Variants in FANCM observed in about 807,000 individuals in gnomAD.
The protein encoded by FANCM is FA complementation group M.
In FANCM, 140 loss-of-function variants were observed where a neutral mutation model predicts 199.5. The observed-to-expected ratio is 0.70, with a 90% confidence interval of 0.61 to 0.81. The LOEUF (loss-of-function observed/expected upper bound fraction) is 0.81. Ranked by LOEUF, FANCM falls within the 30% of genes least tolerant of loss-of-function variation. The pLI is 0.00. For missense variants in FANCM, 2,410 were observed against 2,421.4 expected (o/e 1.00, Z 0.10); for synonymous variants, 840 against 836.8 (o/e 1.00, Z -0.07).
rs750670960 is a variant in FANCM, at chr14:45,183,905, A to G, written c.4515+3A>G. The G allele has an allele frequency of 1.2e-6, 2 of 1,606,884 alleles. No homozygotes were observed. Among genetic ancestry groups the G allele is most frequent in the East Asian group, 4.5e-5 (2 of 44,600 alleles). On this transcript the variant is annotated splice_donor_region_variant and intron_variant, in intron 17 of 22. Coordinates refer to ENST00000267430, the MANE Select transcript of FANCM (RefSeq NM_020937.4). ...CAAAGAGACAGAGTCACTTAAAGGT[A>G]ATCTTTTTTTTAGTTTCTTTAAATA...
intron 12 of FANCM, 40 bp from the exon 13 acceptor site, chr14:45,173,015 G>C (rs765589602): frequency 6.9e-7 from 1 of 1,441,180 alleles, no homozygotes; most frequent in Non-Finnish European, 9.8e-7. Context: ...TGAAATCTCA[G>C]TATGTTTTCA....
intron 2 of FANCM, 21 bp downstream of exon 2, chr14:45,137,262 T>C: frequency 6.2e-7 from 1 of 1,601,128 alleles, no homozygotes; most frequent in Non-Finnish European, 8.5e-7. Context: ...TGTTAAACGG[T>C]ATTTTGTATT....
rs1171286642 is a variant in FANCM, at chr14:45,175,598, T to C, written c.2844T>C (p.Ser948=). 1 of 1,613,666 alleles carries C rather than the reference T, an allele frequency of 6.2e-7. No individual in the cohort carries two copies. The highest frequency in any genetic ancestry group is 1.1e-5 in the South Asian group (1 of 91,064). The change falls in exon 14 of 23, where the codon AGT becomes AGC. Residue 948 remains serine (S), a synonymous_variant. Transcript: ENST00000267430. ...AGNVLDSGYN[S]FNDEKSVSSN... Reference sequence around the variant, plus strand: ...ATGTTTTAGATTCTGGTTATAACAGTTTCAATGATGAAAAATCTGTTTCAT... The same window carrying C: ...ATGTTTTAGATTCTGGTTATAACAGCTTCAATGATGAAAAATCTGTTTCAT...
At chr14:45,189,471 CAAAA>C in intron 20 of FANCM, 109 bp downstream of exon 20, 1 of 883,530 alleles carries the variant, frequency 1.1e-6, no homozygotes, top group Non-Finnish European at 1.8e-6. Flanking sequence ...GAAAAATTAA[CAAAA>C]AAATTTTGCA....
At position 45,166,977 on chromosome 14, in the gene FANCM, A is replaced by C; in HGVS notation, c.1816A>C (p.Arg606=). 2 of 1,589,350 alleles carry C rather than the reference A, an allele frequency of 1.3e-6. No homozygotes were observed. Among genetic ancestry groups the C allele is most frequent in the Non-Finnish European group, 1.7e-6 (2 of 1,157,596 alleles). ...RIYNQSQSNK[R]SIYKAISSNR... is the part of the protein sequence containing the mutation. ...TTATAATCAGAGTCAGTCCAACAAA[A>C]GAAGTATATATAAAGCTATTTCAAG... is the stretch of plus-strand genomic sequence containing the variant. Residue 606 remains arginine (R), a synonymous_variant, in exon 11 of 23, where the codon AGA becomes CGA. Transcript: ENST00000267430.
intron 18 of FANCM, 90 bp downstream of exon 18, chr14:45,185,463 C>A: frequency 1.4e-6 from 1 of 738,522 alleles, no homozygotes; most frequent in Non-Finnish European, 2.2e-6. Flanking sequence ...GAAACTAGAC[C>A]TTAAAGGTAA....
intron 4 of FANCM, among the ~76,000 whole-genome samples, chr14:45,149,830 G>C (rs1886692103): frequency 6.6e-6 from 1 of 151,182 alleles, no homozygotes; most frequent in Non-Finnish European, 1.5e-5. Flanking sequence ...ACAACAAAAA[G>C]GCAGGAGAGA....
At position 45,151,527 on chromosome 14, in the gene FANCM, T is replaced by C; in HGVS notation, c.1049T>C (p.Val350Ala). The C allele has an allele frequency of 6.2e-7, 1 of 1,610,814 alleles. No individual in the cohort carries two copies. The highest frequency in any genetic ancestry group is 8.5e-7 in the Non-Finnish European group (1 of 1,177,252). Residue 350 changes from valine (V) to alanine (A), a missense_variant and splice_region_variant, in exon 5 of 23, where the codon GTG becomes GCG. Transcript: ENST00000267430. ...AGGAAAAACCCATCTCCGAATATTG[T>C]GGTAGGTATTTTTAAATAAATTTTG... ...QFRKNPSPNI[V>A]GIQQGIIEGE...
Position 45,175,084 on chromosome 14 carries a change from A to G in FANCM, c.2330A>G (p.Tyr777Cys), listed in dbSNP as rs200173413. 75 of 1,607,634 alleles carry G rather than the reference A, an allele frequency of 4.7e-5. No individual in the cohort carries two copies. In the East Asian group the frequency reaches 1.4e-3, roughly 30 times the overall value. Reference protein sequence around the residue: ...GMRHEEGECSYELEVESYLQM... With the variant: ...GMRHEEGECSCELEVESYLQM... ...CCTTATTTATAGGGAGAATGCAGCT[A>G]TGAATTGGAAGTTGAATCTTATTTA... The change falls in exon 14 of 23, where the codon TAT becomes TGT. Residue 777 changes from tyrosine (Y) to cysteine (C), a missense_variant. By Grantham distance (194) the Tyr-to-Cys change is radical. Coordinates refer to ENST00000267430, the MANE Select transcript of FANCM (RefSeq NM_020937.4).
intron 4 of FANCM, among the ~76,000 whole-genome samples, chr14:45,149,203 A>G (rs1473542181): frequency 6.6e-6 from 1 of 152,144 alleles, no homozygotes; most frequent in African/African-American, 2.4e-5. Context: ...AATACAAAAG[A>G]TGGGCCATTT....
rs368779101 is a variant in FANCM at position 45,199,611 on chromosome 14, C to T, written c.6009-259C>T. ...TCCAAATACCATCACATTGGGATTA[C>T]GGCTTCAACATATGAATTTTGGGCA... is the stretch of plus-strand genomic sequence containing the variant. On this transcript the variant is annotated intron_variant, in intron 22 of 22. Transcript: ENST00000267430. Among the ~76,000 whole-genome samples, 30 of 152,252 alleles carry T rather than the reference C, an allele frequency of 2.0e-4. No homozygotes were observed. The East Asian group carries it at 2.3e-3, about 12-fold the overall frequency.
Position 45,136,442 on chromosome 14 carries a change from G to A in FANCM, c.411G>A (p.Val137=), listed in dbSNP as rs927239457. Residue 137 remains valine, a synonymous_variant, in exon 1 of 23, where the codon GTG becomes GTA. Transcript: ENST00000267430. ...NFYRWFPSGK[V]VFMAPTKPLV... is the part of the protein sequence containing the mutation. ...ACCGCTGGTTCCCTTCAGGAAAGGT[G>A]GTCTTCATGGCCCCAACGAAACCCT... 1.9e-6 allele frequency: 3 copies of A among 1,614,186 alleles called. No homozygotes were observed. Among genetic ancestry groups the A allele is most frequent in the East Asian group, 4.5e-5 (2 of 44,880 alleles).
intron 5 of FANCM, 90 bp downstream of exon 5, chr14:45,151,618 T>C: frequency 8.5e-7 from 1 of 1,182,818 alleles, no homozygotes; most frequent in Non-Finnish European, 1.3e-6. Flanking sequence ...GGGTACCTAT[T>C]AGCTCATCAA....
intron 9 of FANCM, among the ~76,000 whole-genome samples, chr14:45,161,723 G>C (rs558847855): frequency 6.6e-6 from 1 of 152,184 alleles, no homozygotes; most frequent in African/African-American, 2.4e-5. Flanking sequence ...GCTCCAGTGA[G>C]CCAAGATCAC....
intron 1 of FANCM, 118 bp from the exon 2 acceptor site, chr14:45,136,951 A>G (rs1449036198): frequency 6.1e-6 from 5 of 819,508 alleles, no homozygotes; most frequent in Non-Finnish European, 1.0e-5. Context: ...ATGAATTGTC[A>G]AATTGTTTTT....
At chr14:45,189,697 G>A (rs565153814) in intron 20 of FANCM, among the ~76,000 whole-genome samples, 5 of 152,086 alleles carry the variant, frequency 3.3e-5, no homozygotes, top group African/African-American at 4.8e-5. Flanking sequence ...GGCCAGATGC[G>A]GTGGCTCATG....
intron 20 of FANCM, among the ~76,000 whole-genome samples, chr14:45,190,966 C>T (rs866275419): frequency 1.6e-4 from 25 of 152,290 alleles, no homozygotes; most frequent in African/African-American, 5.8e-4. Flanking sequence ...CTCCTGGGCT[C>T]ATGTGATCCT....
intron 16 of FANCM, among the ~76,000 whole-genome samples, chr14:45,183,496 G>A (rs1566775193): frequency 6.6e-6 from 1 of 151,894 alleles, no homozygotes; most frequent in Non-Finnish European, 1.5e-5. Flanking sequence ...TCACCATAGT[G>A]TTTGCAGAAA....
rs1162108274 is a variant in FANCM at position 45,175,984 on chromosome 14, A to C, written c.3230A>C (p.Glu1077Ala). 1 of 1,613,660 alleles carries C rather than the reference A, an allele frequency of 6.2e-7. No individual in the cohort carries two copies. The highest frequency in any genetic ancestry group is 1.7e-5 in the Admixed American group (1 of 59,984). The change falls in exon 14 of 23, where the codon GAG (glutamate) becomes GCG (alanine). Residue 1077 changes from glutamate to alanine, a missense_variant. Physicochemically the swap from Glu to Ala is moderately radical, Grantham distance 107. Transcript: ENST00000267430. ...ATACCTAATGATAATATTTCTGATG[A>C]GCCAAGTCTCTGTGACTGTGATGTA... is the stretch of plus-strand genomic sequence containing the variant. ...YDIPNDNISDEPSLCDCDVHK... is the reference protein window; with the variant it reads ...YDIPNDNISDAPSLCDCDVHK...
Sources: allele counts gnomAD v4.1 joint callset (sites outside exome capture counted in the v4.1 genomes callset), GRCh38; gene constraint gnomAD v4.1.1; transcripts MANE v1.5; gene names NCBI Gene and HGNC (gene_info 2026-07-23, HGNC 2026-07-21).